APPL2: variants seen among roughly 807,000 people sequenced by gnomAD.
APPL2 encodes DCC-interacting protein 13-beta.
Under a neutral mutation model 92.7 loss-of-function variants are expected in APPL2, and 84 were observed. The ratio of observed to expected loss-of-function variants is 0.91; its 90% CI spans 0.76 to 1.09. The LOEUF is 1.09. Among genes scored for constraint, APPL2 ranks in the 50% least tolerant of loss-of-function variants. The pLI is 0.00. For synonymous variants in APPL2, 291 were observed against 291.0 expected (o/e 1.00, Z 0.00); for missense variants, 736 against 824.5 (o/e 0.89, Z 1.31).
At chr12:105,221,252 A>T (rs561691489) in intron 2 of APPL2, among the ~76,000 whole-genome samples, 23 of 152,292 alleles carry the variant, frequency 1.5e-4, no homozygotes, top group African/African-American at 5.5e-4. Flanking sequence ...TAGCAATAAC[A>T]TCAATAAAGA....
intron 17 of APPL2, among the ~76,000 whole-genome samples, chr12:105,177,872 C>G (rs1885708396): frequency 6.6e-6 from 1 of 152,152 alleles, no homozygotes; most frequent in Non-Finnish European, 1.5e-5. Context: ...CTCACTGCAA[C>G]CTCCACCTCC....
intron 17 of APPL2, among the ~76,000 whole-genome samples, chr12:105,186,416 A>G (rs1423007754): frequency 2.0e-5 from 3 of 152,056 alleles, no homozygotes; most frequent in South Asian, 2.1e-4. Context: ...CACCATTTGG[A>G]TATCACGAAA....
At chr12:105,182,902 T>G (rs900426981) in intron 17 of APPL2, among the ~76,000 whole-genome samples, 1 of 152,082 alleles carries the variant, frequency 6.6e-6, no homozygotes, top group African/African-American at 2.4e-5. Flanking sequence ...TCTTTGTAGA[T>G]CTCTAAGAAC....
chr12:105,201,126 C>T (rs1888168805), intron 9 of APPL2, among the ~76,000 whole-genome samples: 1 of 152,166 alleles, frequency 6.6e-6, no homozygotes, highest in South Asian at 2.1e-4. Context: ...CCAGGCTGGT[C>T]TTGAACTCCT....
At chr12:105,231,585 C>A (rs966908940) in intron 1 of APPL2, among the ~76,000 whole-genome samples, 2 of 152,216 alleles carry the variant, frequency 1.3e-5, no homozygotes, top group African/African-American at 4.8e-5. Context: ...GCACTGAGGT[C>A]ACCAGCAGGG....
intron 1 of APPL2, among the ~76,000 whole-genome samples, chr12:105,232,933 G>C (rs1324339428): frequency 6.6e-6 from 1 of 152,176 alleles, no homozygotes; most frequent in Non-Finnish European, 1.5e-5. Flanking sequence ...TGGTTGGAGA[G>C]GGCTGCTCCC....
intron 11 of APPL2, 21 bp from the exon 12 acceptor site, chr12:105,195,648 T>A: frequency 6.2e-7 from 1 of 1,613,658 alleles, no homozygotes; most frequent in Non-Finnish European, 8.5e-7. Context: ...AGTGTCTAAG[T>A]AATTAAGTGC....
chr12:105,205,646 C>A (rs1417521184), intron 8 of APPL2, among the ~76,000 whole-genome samples: 3 of 152,240 alleles, frequency 2.0e-5, no homozygotes, highest in African/African-American at 7.2e-5. Flanking sequence ...GATGCTAGAT[C>A]TGAGACCCTT....
intron 8 of APPL2, among the ~76,000 whole-genome samples, chr12:105,204,826 G>A (rs1207585684): frequency 1.3e-5 from 2 of 152,144 alleles, no homozygotes; most frequent in African/African-American, 2.4e-5. Flanking sequence ...AGAAAAGTGG[G>A]CGAATGGATG....
intron 2 of APPL2, among the ~76,000 whole-genome samples, chr12:105,218,867 C>T (rs1466841788): frequency 6.6e-6 from 1 of 152,174 alleles, no homozygotes; most frequent in Non-Finnish European, 1.5e-5. Context: ...CCCTGGGAGG[C>T]CTGTTTTGTG....
chr12:105,180,728 A>G (rs563336837), intron 17 of APPL2, among the ~76,000 whole-genome samples: 12 of 152,274 alleles, frequency 7.9e-5, no homozygotes, highest in East Asian at 1.9e-4. Flanking sequence ...CTTAGTAGCA[A>G]TTGTGAATGG....
At chr12:105,201,722 A>G (rs1174126950) in intron 9 of APPL2, among the ~76,000 whole-genome samples, 1 of 152,186 alleles carries the variant, frequency 6.6e-6, no homozygotes, top group South Asian at 2.1e-4. Flanking sequence ...GTATATATAT[A>G]CACACACACA....
chr12:105,181,199 C>T (rs1297215913), intron 17 of APPL2, among the ~76,000 whole-genome samples: 1 of 152,166 alleles, frequency 6.6e-6, no homozygotes, highest in Non-Finnish European at 1.5e-5. Flanking sequence ...AAGGCCTTTT[C>T]TGCATCTATT....
intron 17 of APPL2, among the ~76,000 whole-genome samples, chr12:105,185,115 G>A (rs991413693): frequency 6.6e-6 from 1 of 152,060 alleles, no homozygotes; most frequent in African/African-American, 2.4e-5. Flanking sequence ...CCCCCACCAA[G>A]CTCGAGCATC....
At chr12:105,182,787 C>G (rs1294724106) in intron 17 of APPL2, among the ~76,000 whole-genome samples, 1 of 152,170 alleles carries the variant, frequency 6.6e-6, no homozygotes. Flanking sequence ...TGGTCCAGAG[C>G]TGAGTTTAAG....
chr12:105,203,159 C>T (rs1049920203), intron 9 of APPL2, among the ~76,000 whole-genome samples: 1 of 152,192 alleles, frequency 6.6e-6, no homozygotes, highest in Non-Finnish European at 1.5e-5. Context: ...GGGGCCGGGG[C>T]CCCCCTCAGA....
chr12:105,178,588 G>T (rs1057408376), intron 17 of APPL2, among the ~76,000 whole-genome samples: 2 of 152,184 alleles, frequency 1.3e-5, no homozygotes, highest in African/African-American at 2.4e-5. Flanking sequence ...AATACGTGCA[G>T]TTACACTTAT....
intron 7 of APPL2, 22 bp downstream of exon 7, chr12:105,207,949 A>G (rs200744427): frequency 9.7e-5 from 155 of 1,603,510 alleles, no homozygotes; most frequent in Non-Finnish European, 7.6e-5. Flanking sequence ...GAAGTGAAAA[A>G]CAACATGTAA....
At chr12:105,210,550 A>G (rs188545852) in intron 5 of APPL2, among the ~76,000 whole-genome samples, 95 of 152,310 alleles carry the variant, frequency 6.2e-4, no homozygotes, top group African/African-American at 2.0e-3. Flanking sequence ...AAGATTATTC[A>G]CGCTTTTTTA....
Sources: allele counts gnomAD v4.1 joint callset (sites outside exome capture counted in the v4.1 genomes callset), GRCh38; gene constraint gnomAD v4.1.1; transcripts MANE v1.5; gene names NCBI Gene and HGNC (gene_info 2026-07-23, HGNC 2026-07-21).